CAPN9: variants seen among roughly 807,000 people sequenced by gnomAD.
CAPN9 encodes the protein calpain-9.
In CAPN9, 81 loss-of-function variants were observed where a neutral mutation model predicts 92.8. The ratio of observed to expected loss-of-function variants is 0.87; its 90% CI spans 0.73 to 1.05. CAPN9 has a LOEUF of 1.05. Among genes scored for constraint, CAPN9 ranks in the 50% least tolerant of loss-of-function variants. CAPN9 has a pLI of 0.00. For synonymous variants in CAPN9, 304 were observed against 328.0 expected (o/e 0.93, Z 0.79); for missense variants, 848 against 866.2 (o/e 0.98, Z 0.26).
chr1:230,759,906 T>C (rs965812141), intron 3 of CAPN9, among the ~76,000 whole-genome samples: 3 of 152,232 alleles, frequency 2.0e-5, no homozygotes, highest in Non-Finnish European at 4.4e-5. Flanking sequence ...TTAAGGGTTT[T>C]ATTATTTGGA....
At chr1:230,790,221 A>C (rs376445036) in intron 14 of CAPN9, 32 bp downstream of exon 14, 92 of 1,612,248 alleles carry the variant, frequency 5.7e-5, no homozygotes, top group Non-Finnish European at 7.5e-5. Context: ...GTCCTGGGGC[A>C]CCTATGGAGG....
At chr1:230,793,022 A>ACCTCCT in intron 17 of CAPN9, 94 bp downstream of exon 17, 2 of 943,842 alleles carry the variant, frequency 2.1e-6, no homozygotes, top group East Asian at 2.4e-5. Flanking sequence ...TCTGCTGCCC[A>ACCTCCT]GGAGGTGGGC....
chr1:230,767,783 G>A, intron 5 of CAPN9, 74 bp downstream of exon 5: 2 of 1,393,050 alleles, frequency 1.4e-6, no homozygotes, highest in South Asian at 1.4e-5. Context: ...CTATGCTGGG[G>A]CTGTACCAGG....
At position 230,782,606 on chromosome 1, in the gene CAPN9, T is replaced by A. The variant is rs117426981; in HGVS notation, c.1481+1898T>A. ...ATAGCAAAAAAACATGATTGCATCATTTTTCCTCTTTTTCCCTAACATAAG... is the reference window on the plus strand; with the variant it reads ...ATAGCAAAAAAACATGATTGCATCAATTTTCCTCTTTTTCCCTAACATAAG... On this transcript the variant is annotated intron_variant, in intron 11 of 19. Transcript: ENST00000271971. Among the ~76,000 whole-genome samples, 144 of 152,270 alleles carry A rather than the reference T, an allele frequency of 9.5e-4. 1 individual carries two copies. In the East Asian group the frequency reaches 0.022, roughly 23 times the overall value.
In CAPN9 at chr1:230,790,175, C is replaced by T. The variant is rs551933511; in HGVS notation, c.1643C>T (p.Ala548Val). The T allele has an allele frequency of 8.1e-6, 13 of 1,613,974 alleles. No homozygotes were observed. Among genetic ancestry groups the T allele is most frequent in the Non-Finnish European group, 1.1e-5 (13 of 1,180,000 alleles). ...TAEELEYVLN[A>V]VLQKKKDIKF... ...GAGGAACTTGAGTATGTTTTAAATG[C>T]TGTGCTGCAAAAGAGTAAGTGCCAA... Residue 548 changes from alanine (A) to valine (V), a missense_variant, in exon 14 of 20, where the codon GCT becomes GTT. Physicochemically the swap from Ala to Val is moderately conservative, Grantham distance 64. Coordinates refer to ENST00000271971, the MANE Select transcript of CAPN9 (RefSeq NM_006615.3).
chr1:230,754,342 A>ATATATTAATATGTATTAATGAT (rs28359592), intron 1 of CAPN9, among the ~76,000 whole-genome samples: 3,567 of 152,068 alleles, frequency 0.023, 120 homozygotes, highest in East Asian at 0.088. Flanking sequence ...TTGTATATGT[A>ATATATTAATATGTATTAATGAT]TATATTAATA....
intron 19 of CAPN9, among the ~76,000 whole-genome samples, chr1:230,800,281 A>G (rs937997555): frequency 7.4e-6 from 1 of 134,794 alleles, no homozygotes; most frequent in African/African-American, 2.9e-5. Flanking sequence ...AAAGAAAGAA[A>G]GAAAGAAAGA....
intron 18 of CAPN9, among the ~76,000 whole-genome samples, chr1:230,796,531 A>C (rs968060634): frequency 1.3e-5 from 2 of 152,132 alleles, no homozygotes; most frequent in Non-Finnish European, 2.9e-5. Flanking sequence ...ATTTCTGGAC[A>C]ATCAATGAGT....
intron 8 of CAPN9, among the ~76,000 whole-genome samples, chr1:230,777,604 G>C (rs535725363): frequency 2.0e-4 from 31 of 151,678 alleles, no homozygotes; most frequent in Admixed American, 2.0e-3. Context: ...GCTCTCTCCT[G>C]TCCTCTACAG....
intron 7 of CAPN9, 111 bp from the exon 8 acceptor site, chr1:230,774,428 GACCCAGTGAGTAGTT>G: frequency 1.5e-6 from 1 of 677,474 alleles, no homozygotes; most frequent in Admixed American, 2.3e-5. Context: ...GCATTTTTGG[GACCCAGTGAGTAGTT>G]ACTAAGCAGG....
chr1:230,768,048 ATAAATAAAAAAT>A (rs1666116971), intron 5 of CAPN9, among the ~76,000 whole-genome samples: 1 of 83,964 alleles, frequency 1.2e-5, no homozygotes, highest in East Asian at 2.9e-4. Context: ...AAATAAATAA[ATAAATAAAAAAT>A]AAAATAAAAT....
At position 230,798,288 on chromosome 1, in the gene CAPN9, T is replaced by A; in HGVS notation, c.2046+68T>A. On this transcript the variant is annotated intron_variant, in intron 19 of 19. Transcript: ENST00000271971. ...CCCAGCAGAGTCCACGCTGCATAGA[T>A]GTTTGCCGAATGCTTGATTTCATGC... 3 of 1,014,256 alleles carry A rather than the reference T, an allele frequency of 3.0e-6. No homozygotes were observed. In the South Asian group the frequency reaches 4.0e-5, roughly 14 times the overall value. The allele number at this position is 1,014,256 out of a possible 1,614,324, so 62.8% of individuals were successfully genotyped here. A position where few individuals can be genotyped will look rare whatever the true frequency, so the allele number is the denominator to read the frequency against.
At chr1:230,753,765 A>G (rs554840443) in intron 1 of CAPN9, among the ~76,000 whole-genome samples, 2 of 150,644 alleles carry the variant, frequency 1.3e-5, no homozygotes, top group African/African-American at 2.4e-5. Context: ...TTAACTCACC[A>G]CCCCTGCAGG....
At chr1:230,782,019 A>G (rs1240365217) in intron 11 of CAPN9, among the ~76,000 whole-genome samples, 1 of 152,192 alleles carries the variant, frequency 6.6e-6, no homozygotes, top group East Asian at 1.9e-4. Flanking sequence ...CTGTTCACAC[A>G]AAAGTACCCT....
intron 8 of CAPN9, among the ~76,000 whole-genome samples, chr1:230,778,365 T>C (rs1273558083): frequency 6.6e-6 from 1 of 152,222 alleles, no homozygotes. Context: ...CTTCCACTTG[T>C]GTCCCCAAAA....
At chr1:230,794,444 G>A (rs558835670) in intron 17 of CAPN9, among the ~76,000 whole-genome samples, 1 of 152,144 alleles carries the variant, frequency 6.6e-6, no homozygotes, top group East Asian at 1.9e-4. Context: ...TTGCACCACT[G>A]CACTCCAGCC....
chr1:230,801,153 A>T (rs1668704565), intron 19 of CAPN9, among the ~76,000 whole-genome samples: 2 of 152,100 alleles, frequency 1.3e-5, no homozygotes. Context: ...CCCCCCAGCT[A>T]TGGAACCTGC....
In CAPN9 at chr1:230,748,389, A is replaced by G. The variant is rs115935448; in HGVS notation, c.213+680A>G. Among the ~76,000 whole-genome samples the G allele has an allele frequency of 7.9e-3, 1,204 of 152,294 alleles. 18 individuals are homozygous for G. The highest frequency in any genetic ancestry group is 0.028 in the African/African-American group (1,153 of 41,564). ...AGGGCTCTACCTCTGACCCGGCGCC[A>G]GCTGGGCTGGCTTCCATTCCCTCCA... On this transcript the variant is annotated intron_variant, in intron 1 of 19. Transcript: ENST00000271971.
chr1:230,750,548 G>C (rs964966410), intron 1 of CAPN9, among the ~76,000 whole-genome samples: 1 of 143,086 alleles, frequency 7.0e-6, no homozygotes, highest in African/African-American at 3.0e-5. Context: ...GGGAGCCGGG[G>C]GGTAGCGGGC....
Sources: gnomAD v4.1 joint callset for allele counts (sites outside exome capture counted in the v4.1 genomes callset) on GRCh38, gnomAD v4.1.1 for gene constraint, MANE v1.5 for transcripts, NCBI Gene and HGNC (gene_info 2026-07-23, HGNC 2026-07-21) for gene names.